Variants in GSE1 observed in about 807,000 individuals in gnomAD.
GSE1 encodes the protein Gse1 coiled-coil protein.
A neutral mutation model predicts 112.6 loss-of-function variants in GSE1; 32 were observed. The observed-to-expected ratio is 0.28, with a 90% CI of 0.21 to 0.38. GSE1 has a LOEUF of 0.38. Ranked by LOEUF, GSE1 falls within the 10% of genes least tolerant of loss-of-function variation. The pLI, the probability that GSE1 is intolerant of heterozygous loss-of-function variation, is 1.00. For synonymous variants in GSE1, 1,115 were observed against 735.6 expected, an observed-to-expected ratio of 1.52 and a Z score of -8.35; for missense variants, 2,348 against 1,699.2, an observed-to-expected ratio of 1.38 and a Z score of -6.71.
At chr16:85,176,446 C>T (rs2074466726) in intron 1 of GSE1, among the ~76,000 whole-genome samples, 2 of 152,258 alleles carry the variant, frequency 1.3e-5, no homozygotes, top group African/African-American at 2.4e-5. Flanking sequence ...TCTTTGCTTA[C>T]TGAGCAGTGG....
intron 2 of GSE1, among the ~76,000 whole-genome samples, chr16:85,645,302 T>G (rs552704898): frequency 6.6e-6 from 1 of 151,994 alleles, no homozygotes; most frequent in South Asian, 2.1e-4. Context: ...GGCCTTGCCT[T>G]GGGCAGTTCG....
At chr16:85,340,375 C>T (rs1254390649) in intron 1 of GSE1, among the ~76,000 whole-genome samples, 1 of 152,072 alleles carries the variant, frequency 6.6e-6, no homozygotes, top group African/African-American at 2.4e-5. Context: ...TATGGTGGCT[C>T]ATGCCTGTAA....
chr16:85,456,742 C>A (rs115292325), intron 2 of GSE1, among the ~76,000 whole-genome samples: 1 of 151,818 alleles, frequency 6.6e-6, no homozygotes, highest in Non-Finnish European at 1.5e-5. Context: ...GCAGGGTGAG[C>A]GCTGGTGGGT....
At chr16:85,616,489 G>C (rs567769124) in intron 1 of GSE1, among the ~76,000 whole-genome samples, 7 of 152,308 alleles carry the variant, frequency 4.6e-5, no homozygotes, top group Non-Finnish European at 8.8e-5. Flanking sequence ...CCTGGGATCG[G>C]GCCAGGGTTG....
chr16:85,323,341 C>T (rs1305334313), intron 1 of GSE1, among the ~76,000 whole-genome samples: 1 of 152,128 alleles, frequency 6.6e-6, no homozygotes, highest in Non-Finnish European at 1.5e-5. Flanking sequence ...GAATTAGTGG[C>T]CCACTTGGAC....
At chr16:85,198,804 G>T (rs929458144) in intron 1 of GSE1, among the ~76,000 whole-genome samples, 9 of 152,130 alleles carry the variant, frequency 5.9e-5, no homozygotes, top group African/African-American at 1.7e-4. Context: ...TTCGAGACAG[G>T]GTCTCACTTA....
chr16:85,471,662 A>G (rs1019250933), intron 2 of GSE1, among the ~76,000 whole-genome samples: 6 of 152,094 alleles, frequency 3.9e-5, no homozygotes, highest in African/African-American at 1.4e-4. Flanking sequence ...AATCTGCCCT[A>G]CCAAAGTACA....
At chr16:85,570,321 G>A (rs1567600791) in intron 1 of GSE1, among the ~76,000 whole-genome samples, 1 of 152,166 alleles carries the variant, frequency 6.6e-6, no homozygotes, top group Non-Finnish European at 1.5e-5. Context: ...AGTGCAATGG[G>A]GAGAGGAAAG....
chr16:85,575,825 A>G (rs1384704287), intron 1 of GSE1, among the ~76,000 whole-genome samples: 2 of 151,814 alleles, frequency 1.3e-5, no homozygotes, highest in Non-Finnish European at 2.9e-5. Flanking sequence ...CTAGGATTCC[A>G]GTCTTTTTAT....
intron 2 of GSE1, among the ~76,000 whole-genome samples, chr16:85,506,990 C>G (rs1422759327): frequency 1.3e-5 from 2 of 152,196 alleles, no homozygotes; most frequent in East Asian, 3.9e-4. Context: ...AGTCCGTAGC[C>G]TTGGTGGCCT....
At chr16:85,205,125 ATTT>A (rs2143593439) in intron 1 of GSE1, among the ~76,000 whole-genome samples, 1 of 151,882 alleles carries the variant, frequency 6.6e-6, no homozygotes, top group South Asian at 2.1e-4. Flanking sequence ...ATTTTTATTT[ATTT>A]ATTTATTTTT....
intron 2 of GSE1, among the ~76,000 whole-genome samples, chr16:85,518,709 A>C (rs1055691073): frequency 2.6e-5 from 4 of 152,002 alleles, no homozygotes; most frequent in Admixed American, 6.6e-5. Context: ...CCTTGTTTTA[A>C]ATCACCCAGC....
chr16:85,262,485 CT>C (rs1407911728), intron 1 of GSE1, among the ~76,000 whole-genome samples: 2 of 152,194 alleles, frequency 1.3e-5, no homozygotes, highest in African/African-American at 4.8e-5. Context: ...CATGCCGGGA[CT>C]TCAGAGGAAG....
rs774183684 is a variant in GSE1, at chr16:85,462,057, C to T, written c.2464+104414C>T. The stretch of plus-strand genomic sequence containing the variant: ...CAGCAGGCCCCCGGGGAGTGGGGCG[C>T]GAGGCTGAGCACACCTCCCCACAGG... On this transcript the variant is annotated intron_variant, in intron 2 of 2. Coordinates refer to the GSE1 transcript ENST00000637419. Among the ~76,000 whole-genome samples the T allele has an allele frequency of 7.2e-5, 11 of 152,200 alleles. No homozygotes were observed. The East Asian group carries it at 2.1e-3, about 29-fold the overall frequency.
At position 85,657,616 on chromosome 16, in the gene GSE1, C is replaced by G; in HGVS notation, c.1640+12C>G. On this transcript the variant is annotated intron_variant, in intron 8 of 15. Transcript: ENST00000253458. The stretch of plus-strand genomic sequence containing the variant: ...GAGAGCACCACCAGGTGAGTGAGCC[C>G]CAGGAAGGAAGGAGGGATGAGCCTT... The G allele has an allele frequency of 1.3e-6, 2 of 1,495,142 alleles. No individual in the cohort carries two copies. The highest frequency in any genetic ancestry group is 2.7e-5 in the South Asian group (2 of 73,406). 92.6% of individuals were successfully genotyped at this position (1,495,142 alleles called of 1,614,324 possible). A position where few individuals can be genotyped will look rare whatever the true frequency, so the allele number is the denominator to read the frequency against.
rs376320847 is a variant in GSE1 at position 85,657,437 on chromosome 16, C to T, written c.1473C>T (p.Thr491=). The change falls in exon 8 of 16, where the codon ACC becomes ACT. Residue 491 remains threonine, a synonymous_variant. Transcript: ENST00000253458. ...SAATALLIQR[T]NEEEKWLARQ... ...CCACAGCCCTGCTGATCCAGCGCAC[C>T]AATGAGGAGGAGAAGTGGCTGGCGC... The T allele has an allele frequency of 1.2e-6, 2 of 1,612,556 alleles. No homozygotes were observed. The highest frequency in any genetic ancestry group is 1.7e-6 in the Non-Finnish European group (2 of 1,179,842).
chr16:85,324,139 A>G (rs1003697127), intron 1 of GSE1, among the ~76,000 whole-genome samples: 1 of 152,248 alleles, frequency 6.6e-6, no homozygotes, highest in Non-Finnish European at 1.5e-5. Flanking sequence ...CATGGAAAAC[A>G]GCCTGGCAGC....
intron 2 of GSE1, among the ~76,000 whole-genome samples, chr16:85,424,101 A>G (rs2048912995): frequency 6.6e-6 from 1 of 152,206 alleles, no homozygotes; most frequent in African/African-American, 2.4e-5. Flanking sequence ...TGTTCAGAAG[A>G]AGAGTGTTCT....
chr16:85,182,130 C>T lies in GSE1; in HGVS notation c.2283+10323C>T, dbSNP rs536109153. 7.2e-5 allele frequency among the ~76,000 whole-genome samples: 11 copies of T among 152,312 alleles called. 1 individual carries two copies. In the East Asian group the frequency reaches 1.5e-3, roughly 21 times the overall value. ...AGCATGGGGGACGCACGGTGGACAG[C>T]GAGGGCTCCTGGGAAGCCCTCCCCC... On this transcript the variant is annotated intron_variant, in intron 1 of 2. Transcript: ENST00000637419.
Sources: gnomAD v4.1 joint callset for allele counts (sites outside exome capture counted in the v4.1 genomes callset) on GRCh38, gnomAD v4.1.1 for gene constraint, MANE v1.5 for transcripts, NCBI Gene and HGNC (gene_info 2026-07-23, HGNC 2026-07-21) for gene names.